The following CDH4 variants were observed in gnomAD, a reference collection of about 807,000 sequenced individuals.
CDH4 encodes cadherin 4.
Under a neutral mutation model 86.0 loss-of-function variants are expected in CDH4, and 33 were observed. That is an observed-to-expected ratio of 0.38 (90% CI 0.29 to 0.51). The LOEUF is 0.51. Among genes scored for constraint, CDH4 ranks in the 20% least tolerant of loss-of-function variants. The pLI is 0.86. For missense variants in CDH4, 1,114 were observed against 1,307.4 expected (o/e 0.85, Z 2.28); for synonymous variants, 555 against 549.4 (o/e 1.01, Z -0.14).
chr20:61,309,140 C>T (rs958497244), intron 2 of CDH4, among the ~76,000 whole-genome samples: 3 of 152,236 alleles, frequency 2.0e-5, no homozygotes, highest in Non-Finnish European at 4.4e-5. Context: ...CGAGGCTGGC[C>T]CTGTGCAGCT....
intron 2 of CDH4, among the ~76,000 whole-genome samples, chr20:61,696,352 C>T (rs569000544): frequency 6.6e-6 from 1 of 152,176 alleles, no homozygotes; most frequent in Non-Finnish European, 1.5e-5. Context: ...TTCTCCTGGG[C>T]GCAGGAGGAA....
At chr20:61,869,820 C>A (rs927709446) in intron 6 of CDH4, among the ~76,000 whole-genome samples, 35 of 152,234 alleles carry the variant, frequency 2.3e-4, no homozygotes, top group Non-Finnish European at 4.6e-4. Context: ...TCCTGCCTGG[C>A]CTTCGGGGAC....
At chr20:61,924,287 C>T (rs1026428240) in intron 10 of CDH4, 47 bp from the exon 11 acceptor site, 2 of 1,564,090 alleles carry the variant, frequency 1.3e-6, no homozygotes, top group South Asian at 1.2e-5. Context: ...CAGGGCAGCC[C>T]CGCCCACCCC....
In CDH4 at chr20:61,811,435, A is replaced by G. The variant is rs962953141; in HGVS notation, c.577-33233A>G. On this transcript the variant is annotated intron_variant, in intron 4 of 15. Transcript: ENST00000614565. The surrounding 1 kb of genome is among the most constrained non-coding windows in gnomAD (Gnocchi z 4.4). ...ACACTTTTGACAATCTGAAGCAAGG[A>G]AAAAACAGCAGACATCTATCTGTAT... Among the ~76,000 whole-genome samples, 3 of 152,216 alleles carry G rather than the reference A, an allele frequency of 2.0e-5. No individual in the cohort carries two copies. The highest frequency in any genetic ancestry group is 2.9e-5 in the Non-Finnish European group (2 of 68,042).
At chr20:61,606,042 C>G (rs1021495352) in intron 2 of CDH4, among the ~76,000 whole-genome samples, 1 of 152,184 alleles carries the variant, frequency 6.6e-6, no homozygotes, top group Non-Finnish European at 1.5e-5. Context: ...ATCCCGCTGA[C>G]TCTGAGGACA....
chr20:61,752,201 G>T (rs907765901), intron 3 of CDH4, among the ~76,000 whole-genome samples: 2 of 151,918 alleles, frequency 1.3e-5, no homozygotes, highest in Non-Finnish European at 2.9e-5. Context: ...GCATGGTGGT[G>T]CACACCTGTA....
At chr20:61,689,439 C>T (rs369492384) in intron 2 of CDH4, among the ~76,000 whole-genome samples, 5 of 58,870 alleles carry the variant, frequency 8.5e-5, no homozygotes, top group African/African-American at 8.5e-5. Flanking sequence ...ATGTGGATTC[C>T]GGCGGGGACA....
chr20:61,508,263 C>G lies in CDH4; in HGVS notation c.170-235300C>G, dbSNP rs554496051. 2.5e-3 allele frequency among the ~76,000 whole-genome samples: 385 copies of G among 152,334 alleles called. 4 individuals are homozygous for G. The highest frequency in any genetic ancestry group is 3.9e-3 in the Non-Finnish European group (266 of 68,026). On this transcript the variant is annotated intron_variant, in intron 2 of 15. Transcript: ENST00000614565. ...GAAGGTCCCAGGCAGTATGTGTGCCCCCCACTGAGTTGGGTCTTAATGCTC... is the reference window on the plus strand; with the variant it reads ...GAAGGTCCCAGGCAGTATGTGTGCCGCCCACTGAGTTGGGTCTTAATGCTC...
Position 61,928,368 on chromosome 20 carries a change from G to A in CDH4, c.1950G>A (p.Glu650=), listed in dbSNP as rs982715988. 5 of 1,611,746 alleles carry A rather than the reference G, an allele frequency of 3.1e-6. No homozygotes were observed. In the African/African-American group the frequency reaches 5.3e-5, roughly 17 times the overall value. Residue 650 remains glutamate (E), a synonymous_variant, in exon 12 of 16, where the codon GAG becomes GAA. Transcript: ENST00000614565. The part of the protein sequence containing the change: ...VDPNIGPYVF[E]LPFVPAAVRK... ...CCAACATCGGCCCCTACGTCTTCGA[G>A]CTGCCCTTTGTCCCGGCGGCCGTGC...
chr20:61,778,622 C>T (rs67620846), intron 4 of CDH4, among the ~76,000 whole-genome samples: 3,897 of 152,128 alleles, frequency 0.026, 163 homozygotes, highest in African/African-American at 0.088. Flanking sequence ...TGGAATCAGA[C>T]CGCAGTCTAA....
chr20:61,754,532 A>G lies in CDH4; in HGVS notation c.396+10743A>G, dbSNP rs1160415407. ...GGCTTGGGGTGTCCCTGGGGAGAGG[A>G]GGGATGAGGAACGGGTGCCATTCCA... On this transcript the variant is annotated intron_variant, in intron 3 of 15. Transcript: ENST00000614565. The surrounding 1 kb of genome is among the most constrained non-coding windows in gnomAD (Gnocchi z 4.7). Among the ~76,000 whole-genome samples the G allele has an allele frequency of 6.6e-6, 1 of 152,040 alleles. No homozygotes were observed. The highest frequency in any genetic ancestry group is 1.5e-5 in the Non-Finnish European group (1 of 67,994).
intron 2 of CDH4, among the ~76,000 whole-genome samples, chr20:61,680,805 C>G (rs925309089): frequency 6.7e-6 from 1 of 150,370 alleles, no homozygotes; most frequent in Non-Finnish European, 1.5e-5. Context: ...TGCCCTGGAA[C>G]CTCAGCTCTG....
intron 2 of CDH4, among the ~76,000 whole-genome samples, chr20:61,607,296 A>G (rs968230562): frequency 2.0e-5 from 3 of 152,212 alleles, no homozygotes; most frequent in Non-Finnish European, 4.4e-5. Flanking sequence ...TTTTCCTTTC[A>G]TAAAAGCACT....
chr20:61,929,521 C>G, intron 12 of CDH4, 88 bp from the exon 13 acceptor site: 2 of 935,300 alleles, frequency 2.1e-6, no homozygotes, highest in Non-Finnish European at 1.7e-6. Flanking sequence ...ATTTCCATGC[C>G]ATCGGACTTT....
rs375729514 is a variant in CDH4, at chr20:61,589,323, AACTTAG to A, written c.170-154234_170-154229del. ...AGAGATGTTAAAACGAAAAAGGTTC[AACTTAG>A]ACTTAAGACAGACAGAAATTAATCA... On this transcript the variant is annotated intron_variant, in intron 2 of 15. Coordinates refer to ENST00000614565, the MANE Select transcript of CDH4 (RefSeq NM_001794.5). Among the ~76,000 whole-genome samples the A allele has an allele frequency of 1.5e-3, 222 of 152,350 alleles. 2 individuals are homozygous for A. The highest frequency in any genetic ancestry group is 5.3e-3 in the African/African-American group (219 of 41,580).
At chr20:61,682,357 G>A (rs1231859593) in intron 2 of CDH4, among the ~76,000 whole-genome samples, 1 of 140,674 alleles carries the variant, frequency 7.1e-6, no homozygotes, top group African/African-American at 2.8e-5. Flanking sequence ...TAGATGAATG[G>A]ATGGATGGAT....
At chr20:61,519,445 G>T (rs1259990075) in intron 2 of CDH4, among the ~76,000 whole-genome samples, 2 of 152,192 alleles carry the variant, frequency 1.3e-5, no homozygotes, top group Non-Finnish European at 2.9e-5. Context: ...ATCATTCTGT[G>T]CAAAAGCCTT....
chr20:61,307,671 G>A (rs2084424575), intron 2 of CDH4, among the ~76,000 whole-genome samples: 1 of 152,206 alleles, frequency 6.6e-6, no homozygotes, highest in African/African-American at 2.4e-5. Flanking sequence ...CTGGATATTG[G>A]GGAAACTACA....
chr20:61,692,371 A>G (rs2087669393), intron 2 of CDH4, among the ~76,000 whole-genome samples: 1 of 152,216 alleles, frequency 6.6e-6, no homozygotes, highest in Admixed American at 6.5e-5. Context: ...GGAATTTATC[A>G]GAGGAATATT....
Sources: gnomAD v4.1 joint callset for allele counts (sites outside exome capture counted in the v4.1 genomes callset) on GRCh38, gnomAD v4.1.1 for gene constraint, Gnocchi (gnomAD v3.1) non-coding constraint, MANE v1.5 for transcripts, NCBI Gene and HGNC (gene_info 2026-07-23, HGNC 2026-07-21) for gene names.